The following GNB5 variants were observed in gnomAD, a reference collection of about 807,000 sequenced individuals.
The protein encoded by GNB5 is guanine nucleotide-binding protein subunit beta-5.
Under a neutral mutation model 55.3 loss-of-function variants are expected in GNB5, and 37 were observed. The ratio of observed to expected loss-of-function variants is 0.67; its 90% CI spans 0.51 to 0.88. The LOEUF is 0.88. Among genes scored for constraint, GNB5 ranks in the 40% least tolerant of loss-of-function variants. The pLI, the probability that GNB5 is intolerant of heterozygous loss-of-function variation, is 0.00. For missense variants in GNB5, 476 were observed against 515.3 expected, an observed-to-expected ratio of 0.92 and a Z score of 0.74; for synonymous variants, 219 against 198.5, an observed-to-expected ratio of 1.10 and a Z score of -0.87.
intron 4 of GNB5, among the ~76,000 whole-genome samples, chr15:52,151,331 C>T (rs904011232): frequency 4.6e-5 from 7 of 152,172 alleles, no homozygotes. Flanking sequence ...CCTGCCTGTC[C>T]CCCATGTGTG....
chr15:52,128,372 G>A (rs902022413), intron 9 of GNB5, 128 bp from the exon 10 acceptor site: 69 of 680,030 alleles, frequency 1.0e-4, no homozygotes, highest in African/African-American at 9.7e-4. Flanking sequence ...AGCAGAAGAC[G>A]GAAGAGGAAG....
chr15:52,137,020 G>A (rs527990231), intron 7 of GNB5: 51 of 454,062 alleles, frequency 1.1e-4, no homozygotes, highest in African/African-American at 7.6e-4. Context: ...AAGACTGTTC[G>A]CTTGCTGGGC....
intron 3 of GNB5, among the ~76,000 whole-genome samples, chr15:52,178,035 G>T (rs937408831): frequency 1.3e-5 from 2 of 152,196 alleles, no homozygotes; most frequent in Non-Finnish European, 2.9e-5. Flanking sequence ...CTGTCTTAAG[G>T]CAACTTACAA....
At position 52,122,687 on chromosome 15, in the gene GNB5, G is replaced by A. The variant is rs555607545; in HGVS notation, c.*70C>T. On this transcript the variant is annotated 3_prime_UTR_variant, in exon 13 of 13. Transcript: ENST00000261837. ...CTGCAATAAACTCTAAGCTCCTCTAGAAGTAATATCTATTTACATGTGAAG... is the reference window on the plus strand; with the variant it reads ...CTGCAATAAACTCTAAGCTCCTCTAAAAGTAATATCTATTTACATGTGAAG... 28 of 1,231,410 alleles carry A rather than the reference G, an allele frequency of 2.3e-5. No homozygotes were observed. In the South Asian group the frequency reaches 3.2e-4, roughly 14 times the overall value. The allele number at this position is 1,231,410 out of a possible 1,614,324, so 76.3% of individuals were successfully genotyped here. A position where few individuals can be genotyped will look rare whatever the true frequency, so the allele number is the denominator to read the frequency against.
intron 1 of GNB5, among the ~76,000 whole-genome samples, chr15:52,190,478 A>G (rs1222535987): frequency 2.6e-5 from 4 of 152,184 alleles, no homozygotes; most frequent in Non-Finnish European, 5.9e-5. Flanking sequence ...GAGGATACTT[A>G]TATGGTCAAT....
intron 6 of GNB5, among the ~76,000 whole-genome samples, chr15:52,144,982 T>C (rs77171207): frequency 0.032 from 4,869 of 152,278 alleles, 274 homozygotes; most frequent in African/African-American, 0.11. Context: ...GTAATAAAAC[T>C]GTGGTAGTAA....
chr15:52,123,601 G>T (rs1204531714), intron 12 of GNB5: 2 of 151,110 alleles, frequency 1.3e-5, no homozygotes, highest in Admixed American at 1.3e-4. Context: ...GGAGTGCAGT[G>T]GGATGATCTT....
chr15:52,147,404 A>C, intron 6 of GNB5, 55 bp downstream of exon 6: 1 of 970,840 alleles, frequency 1.0e-6, no homozygotes, highest in South Asian at 1.3e-5. Context: ...TTGCCAAGAG[A>C]ACAGTATTCT....
chr15:52,159,988 C>T (rs1215397325), intron 3 of GNB5, among the ~76,000 whole-genome samples: 1 of 150,468 alleles, frequency 6.6e-6, no homozygotes, highest in Non-Finnish European at 1.5e-5. Flanking sequence ...CACTCTGTTG[C>T]CTAGGCTGGA....
Position 52,122,752 on chromosome 15 carries a change from G to A in GNB5, c.*5C>T, listed in dbSNP as rs2141179355. On this transcript the variant is annotated 3_prime_UTR_variant, in exon 13 of 13. Coordinates refer to ENST00000261837, the MANE Select transcript of GNB5 (RefSeq NM_016194.4). Reference sequence around the variant, plus strand: ...GGTATACATGAGTGCACTGTCAGAAGATGATTAGGCCCAGACCTGTGAAGA... The same window carrying A: ...GGTATACATGAGTGCACTGTCAGAAAATGATTAGGCCCAGACCTGTGAAGA... The A allele has an allele frequency of 6.3e-7, 1 of 1,599,290 alleles. No individual in the cohort carries two copies. The highest frequency in any genetic ancestry group is 2.2e-5 in the East Asian group (1 of 44,810).
rs138461129 is a variant in GNB5, at chr15:52,141,171, G to A, written c.596C>T (p.Ser199Leu). ...KSVAMHTNYL[S>L]ACSFTNSDMQ... Reference sequence around the variant, plus strand: ...GTCAGAGTTGGTGAAGCTGCAGGCCGACAGGTAGTTGGTGTGCATAGCAAC... The same window carrying A: ...GTCAGAGTTGGTGAAGCTGCAGGCCAACAGGTAGTTGGTGTGCATAGCAAC... The change falls in exon 7 of 13, where the codon TCG (serine) becomes TTG (leucine). Residue 199 changes from serine to leucine, a missense_variant. Physicochemically the swap from Ser to Leu is moderately radical, Grantham distance 145. Transcript: ENST00000261837. 6 of 1,613,934 alleles carry A rather than the reference G, an allele frequency of 3.7e-6. No homozygotes were observed. Among genetic ancestry groups the A allele is most frequent in the African/African-American group, 1.3e-5 (1 of 74,922 alleles).
At chr15:52,166,063 T>A (rs4605106) in intron 3 of GNB5, among the ~76,000 whole-genome samples, 1,558 of 152,206 alleles carry the variant, frequency 0.01, 30 homozygotes, top group African/African-American at 0.036. Flanking sequence ...CAAAACAGAC[T>A]TTAAACCAAC....
At chr15:52,167,293 T>A (rs969253394) in intron 3 of GNB5, among the ~76,000 whole-genome samples, 1 of 152,070 alleles carries the variant, frequency 6.6e-6, no homozygotes, top group Admixed American at 6.5e-5. Context: ...TTCTAAACAA[T>A]TGAAAAGGAG....
intron 3 of GNB5, among the ~76,000 whole-genome samples, chr15:52,155,861 GGA>G (rs2034197908): frequency 6.6e-6 from 1 of 152,166 alleles, no homozygotes; most frequent in African/African-American, 2.4e-5. Flanking sequence ...TCTCTCCACT[GGA>G]GAGTTACCAT....
chr15:52,139,418 T>C (rs920164107), intron 7 of GNB5, among the ~76,000 whole-genome samples: 4 of 152,220 alleles, frequency 2.6e-5, no homozygotes, highest in Non-Finnish European at 4.4e-5. Context: ...ACTGTGCCAC[T>C]GTACTCCAGC....
intron 5 of GNB5, 180 bp downstream of exon 5, chr15:52,149,704 A>G (rs1165376220): frequency 2.9e-6 from 2 of 682,538 alleles, no homozygotes; most frequent in Non-Finnish European, 5.4e-6. Context: ...AAATGCTGCA[A>G]TGGGCTGGCT....
intron 8 of GNB5, among the ~76,000 whole-genome samples, chr15:52,134,411 A>G (rs2033649446): frequency 6.6e-6 from 1 of 152,094 alleles, no homozygotes; most frequent in Non-Finnish European, 1.5e-5. Flanking sequence ...GTGGGAGTTC[A>G]GCATCCCGAG....
chr15:52,133,435 C>T lies in GNB5; in HGVS notation c.806G>A (p.Arg269His), dbSNP rs370478534. The change falls in exon 9 of 13, where the codon CGC (arginine) becomes CAC (histidine). Residue 269 changes from arginine (R) to histidine (H), a missense_variant. Arg to His is a conservative substitution (Grantham distance 29, BLOSUM62 0). Coordinates refer to ENST00000261837, the MANE Select transcript of GNB5 (RefSeq NM_016194.4). ...AAAGGCCTGCACGCACTGGCCGGAG[C>T]GCATGTCCCACACCATGGCTTTCTT... is the stretch of plus-strand genomic sequence containing the variant. Reference protein sequence around the residue: ...CDKKAMVWDMRSGQCVQAFET... With the variant: ...CDKKAMVWDMHSGQCVQAFET... The T allele has an allele frequency of 3.9e-5, 63 of 1,612,942 alleles. No homozygotes were observed. Among genetic ancestry groups the T allele is most frequent in the Non-Finnish European group, 5.0e-5 (59 of 1,179,004 alleles).
At position 52,116,295 on chromosome 15, in the gene GNB5, A is replaced by G. The variant is rs959483490; in HGVS notation, c.*6462T>C. ...GCTGGTTAGATAACCTTGGGTTCAA[A>G]GACAGACATTTCCTGTTGTCACAGT... On this transcript the variant is annotated 3_prime_UTR_variant, in exon 13 of 13. Transcript: ENST00000261837. 6.6e-5 allele frequency: 10 copies of G among 152,260 alleles called. No homozygotes were observed. Among genetic ancestry groups the G allele is most frequent in the African/African-American group, 2.4e-4 (10 of 41,474 alleles). The allele number at this position is 152,260 out of a possible 1,614,324, so 9.4% of individuals were successfully genotyped here.
Sources: allele counts gnomAD v4.1 joint callset (sites outside exome capture counted in the v4.1 genomes callset), GRCh38; gene constraint gnomAD v4.1.1; transcripts MANE v1.5; gene names NCBI Gene and HGNC (gene_info 2026-07-23, HGNC 2026-07-21).